PDK1: variants seen among roughly 807,000 people sequenced by gnomAD.
PDK1 encodes pyruvate dehydrogenase kinase 1.
A neutral mutation model predicts 54.2 loss-of-function variants in PDK1; 39 were observed. The observed-to-expected ratio is 0.72, with a 90% CI of 0.56 to 0.94. The LOEUF is 0.94. Among genes scored for constraint, PDK1 ranks in the 40% least tolerant of loss-of-function variants. PDK1 has a pLI of 0.00. For synonymous variants in PDK1, 221 were observed against 207.1 expected, an observed-to-expected ratio of 1.07 and a Z score of -0.58; for missense variants, 552 against 566.0, an observed-to-expected ratio of 0.98 and a Z score of 0.25.
the PDK1 span, among the ~76,000 whole-genome samples, chr2:172,641,079 T>TTCCC: frequency 7.4e-6 from 1 of 134,554 alleles, no homozygotes; most frequent in African/African-American, 3.0e-5. Context: ...CTCTCTCTCT[T>TTCCC]TCCATCCCTC....
At chr2:172,647,924 G>A in the PDK1 span, among the ~76,000 whole-genome samples, 3 of 152,142 alleles carry the variant, frequency 2.0e-5, no homozygotes, top group Admixed American at 1.3e-4. Flanking sequence ...ACATAAGGAA[G>A]GTCACACCAC....
chr2:172,576,185 C>T (rs1050497311), intron 8 of PDK1, among the ~76,000 whole-genome samples: 1 of 152,264 alleles, frequency 6.6e-6, no homozygotes, highest in Non-Finnish European at 1.5e-5. Flanking sequence ...CTCAGCCTCC[C>T]AAAGTTCTGG....
intron 8 of PDK1, among the ~76,000 whole-genome samples, chr2:172,580,727 A>G (rs1300576850): frequency 6.6e-6 from 1 of 152,248 alleles, no homozygotes; most frequent in Non-Finnish European, 1.5e-5. Flanking sequence ...TAATGAATGG[A>G]TAAACAAAAT....
the PDK1 span, among the ~76,000 whole-genome samples, chr2:172,633,019 G>T: frequency 3.0e-5 from 4 of 132,420 alleles, no homozygotes; most frequent in Non-Finnish European, 6.6e-5. Flanking sequence ...TTGATTCAAA[G>T]AAATATAGTA....
At chr2:172,655,924 T>C in the PDK1 span, among the ~76,000 whole-genome samples, 1 of 152,216 alleles carries the variant, frequency 6.6e-6, no homozygotes, top group African/African-American at 2.4e-5. Flanking sequence ...TGGCTTGTTT[T>C]TGACTCAAAT....
Position 172,568,826 on chromosome 2 carries a change from A to C in PDK1, c.846+9A>C. 6.6e-7 allele frequency: 1 copy of C among 1,505,336 alleles called. No individual in the cohort carries two copies. The highest frequency in any genetic ancestry group is 2.3e-5 in the East Asian group (1 of 44,362). The allele number at this position is 1,505,336 out of a possible 1,614,324, so 93.2% of individuals were successfully genotyped here. The stretch of plus-strand genomic sequence containing the variant: ...TGTTTGAACTTTTCAAGGTTTGTAA[A>C]ATAGTATTACATAACCTTTACCAGT... On this transcript the variant is annotated intron_variant, in intron 7 of 10. Coordinates refer to ENST00000282077, the MANE Select transcript of PDK1 (RefSeq NM_002610.5).
At chr2:172,634,409 A>G in the PDK1 span, among the ~76,000 whole-genome samples, 1 of 151,730 alleles carries the variant, frequency 6.6e-6, no homozygotes, top group African/African-American at 2.4e-5. Flanking sequence ...AGCAGCTGGG[A>G]TTACAGGTGC....
intron 10 of PDK1, among the ~76,000 whole-genome samples, chr2:172,593,886 G>T (rs1690742330): frequency 6.6e-6 from 1 of 151,864 alleles, no homozygotes; most frequent in Non-Finnish European, 1.5e-5. Context: ...TCTTGTTCTG[G>T]CCACTAGATG....
chr2:172,686,583 A>AC, the PDK1 span, among the ~76,000 whole-genome samples: 3 of 152,304 alleles, frequency 2.0e-5, no homozygotes, highest in South Asian at 6.2e-4. Flanking sequence ...AAAGCTGGCC[A>AC]CCCCAGCCTG....
At chr2:172,587,803 C>A (rs1424991728) in intron 9 of PDK1, among the ~76,000 whole-genome samples, 1 of 152,204 alleles carries the variant, frequency 6.6e-6, no homozygotes, top group East Asian at 1.9e-4. Flanking sequence ...TGTTTACAAA[C>A]CTTTAGCTAG....
the PDK1 span, among the ~76,000 whole-genome samples, chr2:172,617,042 TG>T: frequency 6.6e-6 from 1 of 152,166 alleles, no homozygotes; most frequent in Non-Finnish European, 1.5e-5. Context: ...CTCCACCTCC[TG>T]GGTTCAAGCG....
the PDK1 span, among the ~76,000 whole-genome samples, chr2:172,641,861 C>A: frequency 1.3e-5 from 2 of 151,942 alleles, no homozygotes; most frequent in South Asian, 2.1e-4. Context: ...TACAACCTGC[C>A]TTGGGGAAGA....
chr2:172,557,223 C>G (rs1688384842), intron 1 of PDK1, among the ~76,000 whole-genome samples: 1 of 152,054 alleles, frequency 6.6e-6, no homozygotes, highest in Admixed American at 6.6e-5. Context: ...GACCCTAGTT[C>G]GAGGAAGGGG....
At chr2:172,631,640 T>G in the PDK1 span, among the ~76,000 whole-genome samples, 235 of 152,318 alleles carry the variant, frequency 1.5e-3, 1 homozygote, top group African/African-American at 5.5e-3. Flanking sequence ...TCTTCTCTTT[T>G]CCCTTTCCTT....
the PDK1 span, among the ~76,000 whole-genome samples, chr2:172,653,091 C>T: frequency 2.0e-5 from 3 of 152,114 alleles, no homozygotes; most frequent in Non-Finnish European, 4.4e-5. Flanking sequence ...CTATGGTAAC[C>T]AAAACAGCAT....
In PDK1 at chr2:172,568,363, T is replaced by C. The variant is rs555506984; in HGVS notation, c.770-378T>C. Among the ~76,000 whole-genome samples the C allele has an allele frequency of 2.1e-3, 302 of 144,136 alleles. 2 individuals carry two copies. Among genetic ancestry groups the C allele is most frequent in the African/African-American group, 7.2e-3 (279 of 38,616 alleles). 94.6% of individuals were successfully genotyped at this position (144,136 alleles called of 152,430 possible). Reference sequence around the variant, plus strand: ...AAAAAAAAAAAAAGAAGAAGAAGAATGTATGCATGCATGTGAATTGGACTG... The same window carrying C: ...AAAAAAAAAAAAAGAAGAAGAAGAACGTATGCATGCATGTGAATTGGACTG... On this transcript the variant is annotated intron_variant, in intron 6 of 10. Transcript: ENST00000282077.
chr2:172,637,848 A>G, the PDK1 span, among the ~76,000 whole-genome samples: 1 of 152,016 alleles, frequency 6.6e-6, no homozygotes, highest in Admixed American at 6.6e-5. Context: ...GGCGCACACC[A>G]CCACGCCCAG....
chr2:172,592,481 C>A (rs1690652024), intron 9 of PDK1, among the ~76,000 whole-genome samples: 1 of 152,006 alleles, frequency 6.6e-6, no homozygotes, highest in African/African-American at 2.4e-5. Context: ...CTTTGTCTCT[C>A]TCTTCCTCTG....
At chr2:172,672,479 G>T in the PDK1 span, among the ~76,000 whole-genome samples, 1 of 152,058 alleles carries the variant, frequency 6.6e-6, no homozygotes, top group Non-Finnish European at 1.5e-5. Context: ...GACCCCAAAA[G>T]GCTGCTGAGA....
Sources: gnomAD v4.1 joint callset for allele counts (sites outside exome capture counted in the v4.1 genomes callset) on GRCh38, gnomAD v4.1.1 for gene constraint, MANE v1.5 for transcripts, NCBI Gene and HGNC (gene_info 2026-07-23, HGNC 2026-07-21) for gene names.